MCU: variants seen among roughly 807,000 people sequenced by gnomAD.
MCU encodes the protein calcium uniporter protein, mitochondrial.
Under a neutral mutation model 45.2 loss-of-function variants are expected in MCU, and 12 were observed. The observed-to-expected ratio is 0.27, with a 90% confidence interval of 0.17 to 0.43. The LOEUF is 0.43. Among genes scored for constraint, MCU ranks in the 20% least tolerant of loss-of-function variants. The pLI, the probability that MCU is intolerant of heterozygous loss-of-function variation, is 1.00. For synonymous variants in MCU, 160 were observed against 165.1 expected, an observed-to-expected ratio of 0.97 and a Z score of 0.24; for missense variants, 324 against 436.7, an observed-to-expected ratio of 0.74 and a Z score of 2.30.
At chr10:72,802,261 G>A (rs1844354664) in intron 1 of MCU, among the ~76,000 whole-genome samples, 2 of 152,130 alleles carry the variant, frequency 1.3e-5, no homozygotes, top group South Asian at 2.1e-4. Flanking sequence ...TGCTTCAGTA[G>A]CTTTAGCATT....
chr10:72,885,642 T>C, intron 7 of MCU, 103 bp from the exon 8 acceptor site: 2 of 738,420 alleles, frequency 2.7e-6, no homozygotes, highest in Non-Finnish European at 4.7e-6. Flanking sequence ...TGAGATGATC[T>C]CTCTGACTTA....
Position 72,841,648 on chromosome 10 carries a change from T to A in MCU, c.220+7220T>A, listed in dbSNP as rs1246093711. ...AGATCTTAGTACTCTGCACAGATGG[T>A]GCATCTTCCAAACTTAGCAATGTGC... is the stretch of plus-strand genomic sequence containing the variant. On this transcript the variant is annotated intron_variant, in intron 2 of 7. Transcript: ENST00000373053. 2.5e-4 allele frequency among the ~76,000 whole-genome samples: 38 copies of A among 152,202 alleles called. 1 individual carries two copies. Among genetic ancestry groups the A allele is most frequent in the Admixed American group, 2.5e-3 (38 of 15,278 alleles).
At chr10:72,784,526 C>G (rs1206246668) in intron 1 of MCU, among the ~76,000 whole-genome samples, 2 of 152,134 alleles carry the variant, frequency 1.3e-5, no homozygotes, top group African/African-American at 4.8e-5. Context: ...GTAGGCATGT[C>G]TGAAAAGGAC....
intron 1 of MCU, among the ~76,000 whole-genome samples, chr10:72,733,113 G>A (rs1477639420): frequency 1.3e-5 from 2 of 152,256 alleles, no homozygotes; most frequent in African/African-American, 2.4e-5. Flanking sequence ...CCTCGGACAA[G>A]GGAATTAATC....
Position 72,778,148 on chromosome 10 carries a change from A to G in MCU, c.151-56211A>G, listed in dbSNP as rs987303022. On this transcript the variant is annotated intron_variant, in intron 1 of 7. Transcript: ENST00000373053. The stretch of plus-strand genomic sequence containing the variant: ...TCAAAAAACTAAAAATAGAGCTGCC[A>G]TATGATCCAGCAATTTCACTACTGG... Among the ~76,000 whole-genome samples, 7 of 152,350 alleles carry G rather than the reference A, an allele frequency of 4.6e-5. No individual in the cohort carries two copies. The South Asian group carries it at 1.0e-3, about 23-fold the overall frequency.
At chr10:72,749,789 C>T (rs1475854123) in intron 1 of MCU, among the ~76,000 whole-genome samples, 5 of 151,942 alleles carry the variant, frequency 3.3e-5, no homozygotes, top group Admixed American at 6.6e-5. Flanking sequence ...TTAAATGAGA[C>T]GGAGTCTTGC....
At chr10:72,854,987 A>G (rs1845265856) in intron 2 of MCU, among the ~76,000 whole-genome samples, 1 of 152,230 alleles carries the variant, frequency 6.6e-6, no homozygotes, top group Admixed American at 6.5e-5. Flanking sequence ...TACGCCTGTA[A>G]TCCCAGCACT....
chr10:72,873,618 C>T (rs1210653747), intron 6 of MCU, among the ~76,000 whole-genome samples: 1 of 151,818 alleles, frequency 6.6e-6, no homozygotes, highest in Non-Finnish European at 1.5e-5. Flanking sequence ...TGATATAATC[C>T]CATCTGTCTA....
intron 1 of MCU, among the ~76,000 whole-genome samples, chr10:72,733,954 G>T (rs1843216022): frequency 6.6e-6 from 1 of 152,020 alleles, no homozygotes. Context: ...GTAGGAGTCT[G>T]TTAACAGAAG....
At chr10:72,868,571 A>G in intron 4 of MCU, 132 bp from the exon 5 acceptor site, 2 of 687,736 alleles carry the variant, frequency 2.9e-6, no homozygotes, top group Non-Finnish European at 2.3e-6. Flanking sequence ...AAAAAAAGAG[A>G]GCTATTACTT....
At position 72,834,440 on chromosome 10, in the gene MCU, C is replaced by T. The variant is rs765059523; in HGVS notation, c.220+12C>T. The T allele has an allele frequency of 2.5e-6, 4 of 1,607,060 alleles. No individual in the cohort carries two copies. The highest frequency in any genetic ancestry group is 2.2e-5 in the East Asian group (1 of 44,820). ...TGTGCCCTCTGATGGTGAGTTTCAGCAAATCCACCTTTTATGTCTAATATT... is the reference window on the plus strand; with the variant it reads ...TGTGCCCTCTGATGGTGAGTTTCAGTAAATCCACCTTTTATGTCTAATATT... On this transcript the variant is annotated intron_variant, in intron 2 of 7. Transcript: ENST00000373053.
intron 1 of MCU, among the ~76,000 whole-genome samples, chr10:72,734,875 C>A (rs1462234001): frequency 6.6e-6 from 1 of 151,938 alleles, no homozygotes; most frequent in Non-Finnish European, 1.5e-5. Context: ...CCTCAGCCTC[C>A]CAAAGTATTG....
chr10:72,814,800 G>GT (rs1844600532), intron 1 of MCU, among the ~76,000 whole-genome samples: 1 of 152,120 alleles, frequency 6.6e-6, no homozygotes, highest in African/African-American at 2.4e-5. Flanking sequence ...CTGACATTTA[G>GT]TTTTTTATAG....
At chr10:72,810,212 A>G (rs528398507) in intron 1 of MCU, among the ~76,000 whole-genome samples, 6 of 152,192 alleles carry the variant, frequency 3.9e-5, no homozygotes, top group Non-Finnish European at 7.4e-5. Context: ...TGTTAGAGTG[A>G]AAGAAGAGAA....
At chr10:72,835,292 G>A (rs1299040226) in intron 2 of MCU, among the ~76,000 whole-genome samples, 1 of 152,188 alleles carries the variant, frequency 6.6e-6, no homozygotes, top group Non-Finnish European at 1.5e-5. Context: ...GGAGGGAGAT[G>A]TGTTTACAAC....
At chr10:72,723,014 G>A (rs541400146) in intron 1 of MCU, among the ~76,000 whole-genome samples, 2 of 152,002 alleles carry the variant, frequency 1.3e-5, no homozygotes, top group East Asian at 3.9e-4. Context: ...GGCTAACATG[G>A]TGAAACCCCA....
chr10:72,882,381 A>C (rs1263937461), intron 6 of MCU, among the ~76,000 whole-genome samples: 1 of 152,218 alleles, frequency 6.6e-6, no homozygotes, highest in Non-Finnish European at 1.5e-5. Flanking sequence ...GGTGGAACAG[A>C]GCCATATTTC....
chr10:72,863,830 G>T (rs780007693), intron 4 of MCU, among the ~76,000 whole-genome samples: 86 of 152,060 alleles, frequency 5.7e-4, no homozygotes, highest in Non-Finnish European at 2.8e-4. Flanking sequence ...TGGCCAGGCA[G>T]GTCTTGAACT....
chr10:72,805,181 C>A (rs1286016016), intron 1 of MCU, among the ~76,000 whole-genome samples: 2 of 134,810 alleles, frequency 1.5e-5, no homozygotes, highest in Non-Finnish European at 3.1e-5. Flanking sequence ...CTCTCTCTTT[C>A]CTTCCTTCCT....
Sources: allele counts gnomAD v4.1 joint callset (sites outside exome capture counted in the v4.1 genomes callset), GRCh38; gene constraint gnomAD v4.1.1; transcripts MANE v1.5; gene names NCBI Gene and HGNC (gene_info 2026-07-23, HGNC 2026-07-21).